Variants in NR6A1 observed in about 807,000 individuals in gnomAD.
NR6A1 encodes the protein nuclear receptor subfamily 6 group A member 1, also known as retinoic acid receptor-related testis-associated receptor.
In NR6A1, 7 loss-of-function variants were observed where a neutral mutation model predicts 59.1. The ratio of observed to expected loss-of-function variants is 0.12; its 90% CI spans 0.07 to 0.22. The LOEUF is 0.22. NR6A1 is among the 10% of genes least tolerant of loss of function. NR6A1 has a pLI of 1.00. For synonymous variants in NR6A1, 243 were observed against 236.1 expected (o/e 1.03, Z -0.27); for missense variants, 468 against 611.6 (o/e 0.77, Z 2.48).
intron 2 of NR6A1, among the ~76,000 whole-genome samples, chr9:124,670,039 T>G (rs978220421): frequency 1.3e-5 from 2 of 152,174 alleles, no homozygotes; most frequent in African/African-American, 4.8e-5. Context: ...AATAAGAAAC[T>G]TACATACCAT....
intron 2 of NR6A1, among the ~76,000 whole-genome samples, chr9:124,623,836 C>G (rs1005469068): frequency 1.3e-5 from 2 of 152,172 alleles, no homozygotes; most frequent in African/African-American, 4.8e-5. Context: ...GAATGGATGT[C>G]TAACCACCCA....
At chr9:124,683,875 A>G (rs887663293) in intron 2 of NR6A1, among the ~76,000 whole-genome samples, 4 of 152,236 alleles carry the variant, frequency 2.6e-5, no homozygotes, top group African/African-American at 9.6e-5. Flanking sequence ...ACCACTTGCC[A>G]AAAGTCACAC....
At chr9:124,763,820 C>A (rs1010916560) in intron 1 of NR6A1, among the ~76,000 whole-genome samples, 2 of 152,132 alleles carry the variant, frequency 1.3e-5, no homozygotes, top group Non-Finnish European at 2.9e-5. Flanking sequence ...ATTTTTAATT[C>A]TTCCAAGGTG....
Position 124,517,540 on chromosome 9 carries a change from A to T in NR6A1, c.*5165T>A, listed in dbSNP as rs1253523134. On this transcript the variant is annotated 3_prime_UTR_variant, in exon 10 of 10. Coordinates refer to ENST00000487099, the MANE Select transcript of NR6A1 (RefSeq NM_033334.4). Reference sequence around the variant, plus strand: ...CCTTTGGAGACAAGGGCTCAGGGACATCCCGTTTCCTCGATTCCTACACAC... The same window carrying T: ...CCTTTGGAGACAAGGGCTCAGGGACTTCCCGTTTCCTCGATTCCTACACAC... The T allele has an allele frequency of 6.6e-6, 1 of 152,180 alleles. No individual in the cohort carries two copies. Among genetic ancestry groups the T allele is most frequent in the Admixed American group, 6.5e-5 (1 of 15,288 alleles). 9.4% of individuals were successfully genotyped at this position (152,180 alleles called of 1,614,324 possible).
chr9:124,616,544 G>T (rs953856357), intron 2 of NR6A1, among the ~76,000 whole-genome samples: 2 of 151,748 alleles, frequency 1.3e-5, no homozygotes, highest in African/African-American at 4.8e-5. Flanking sequence ...AAGAAATGAT[G>T]ATCAGATCTG....
At chr9:124,735,529 C>A (rs1040592253) in intron 1 of NR6A1, among the ~76,000 whole-genome samples, 5 of 152,154 alleles carry the variant, frequency 3.3e-5, no homozygotes, top group African/African-American at 9.7e-5. Context: ...GGAAGAAAGT[C>A]ATAGAATCAG....
chr9:124,657,102 T>C (rs762223667), intron 2 of NR6A1, among the ~76,000 whole-genome samples: 6 of 152,092 alleles, frequency 3.9e-5, no homozygotes, highest in Non-Finnish European at 8.8e-5. Flanking sequence ...AAAAAAAAGA[T>C]TGTCTTGTGG....
chr9:124,574,218 T>TATGA (rs1002937711), intron 2 of NR6A1, among the ~76,000 whole-genome samples: 1 of 152,208 alleles, frequency 6.6e-6, no homozygotes, highest in Non-Finnish European at 1.5e-5. Flanking sequence ...TGGGTATATG[T>TATGA]ATGAATGAAT....
At chr9:124,596,367 T>C (rs534866598) in intron 2 of NR6A1, among the ~76,000 whole-genome samples, 2 of 152,242 alleles carry the variant, frequency 1.3e-5, no homozygotes, top group Admixed American at 6.5e-5. Flanking sequence ...CAATAAACAA[T>C]GACAAGGCAA....
chr9:124,710,141 A>G (rs1839233726), intron 2 of NR6A1, among the ~76,000 whole-genome samples: 2 of 152,156 alleles, frequency 1.3e-5, no homozygotes, highest in African/African-American at 2.4e-5. Flanking sequence ...TATGCTGGAC[A>G]ACTGAGGGGC....
At chr9:124,651,817 T>C (rs914778146) in intron 2 of NR6A1, among the ~76,000 whole-genome samples, 5 of 152,078 alleles carry the variant, frequency 3.3e-5, no homozygotes, top group Middle Eastern at 3.2e-3. Context: ...CTGGCAGCCA[T>C]AGAGTAATAG....
chr9:124,523,504 C>T (rs1441817038), intron 9 of NR6A1, among the ~76,000 whole-genome samples: 1 of 151,502 alleles, frequency 6.6e-6, no homozygotes, highest in Non-Finnish European at 1.5e-5. Flanking sequence ...TCTCCAGGTG[C>T]AACTCAAACA....
intron 2 of NR6A1, chr9:124,598,816 C>A (rs1042119452): frequency 3.7e-6 from 3 of 807,454 alleles, no homozygotes; most frequent in Non-Finnish European, 6.4e-6. Context: ...CGGATCTTTT[C>A]TTTTCTCTCT....
rs189554534 is a variant in NR6A1, at chr9:124,732,191, C to T, written c.142+1117G>A. ...CACCTCAGAGCTTGAATCAGCTTCA[C>T]GATGATGGAAAGGTAAGCTTTATCA... is the stretch of plus-strand genomic sequence containing the variant. On this transcript the variant is annotated intron_variant, in intron 2 of 9. Coordinates refer to ENST00000487099, the MANE Select transcript of NR6A1 (RefSeq NM_033334.4). Among the ~76,000 whole-genome samples, 85 of 152,226 alleles carry T rather than the reference C, an allele frequency of 5.6e-4. 1 individual carries two copies. Among genetic ancestry groups the T allele is most frequent in the Middle Eastern group, 3.4e-3 (1 of 294 alleles).
chr9:124,637,980 C>T (rs950058296), intron 2 of NR6A1, among the ~76,000 whole-genome samples: 5 of 151,302 alleles, frequency 3.3e-5, no homozygotes, highest in African/African-American at 9.7e-5. Flanking sequence ...CATGATAGCT[C>T]ATGCTTGTAA....
At chr9:124,668,569 G>T (rs918648852) in intron 2 of NR6A1, among the ~76,000 whole-genome samples, 2 of 152,200 alleles carry the variant, frequency 1.3e-5, no homozygotes, top group South Asian at 4.2e-4. Context: ...CTCACTCACA[G>T]AAAAAATTCT....
chr9:124,652,220 T>A (rs771742080), intron 2 of NR6A1, among the ~76,000 whole-genome samples: 4 of 152,194 alleles, frequency 2.6e-5, no homozygotes, highest in Non-Finnish European at 5.9e-5. Context: ...TGTTGGATTT[T>A]CATGGGCTTC....
At chr9:124,557,073 C>G (rs1230949356) in intron 2 of NR6A1, among the ~76,000 whole-genome samples, 2 of 152,128 alleles carry the variant, frequency 1.3e-5, no homozygotes, top group African/African-American at 4.8e-5. Context: ...GGATACACTT[C>G]CTTTGAGAAA....
rs1564159237 is a variant in NR6A1, at chr9:124,519,053, C to G, written c.*3652G>C. 1 of 152,128 alleles carries G rather than the reference C, an allele frequency of 6.6e-6. No homozygotes were observed. The highest frequency in any genetic ancestry group is 1.5e-5 in the Non-Finnish European group (1 of 68,066). 9.4% of individuals were successfully genotyped at this position (152,128 alleles called of 1,614,324 possible). Reference sequence around the variant, plus strand: ...CCCCAGGAAATCAAGAACAAACAAACAAATGTAGGAAATGGGTAACAGAGC... The same window carrying G: ...CCCCAGGAAATCAAGAACAAACAAAGAAATGTAGGAAATGGGTAACAGAGC... On this transcript the variant is annotated 3_prime_UTR_variant, in exon 10 of 10. Transcript: ENST00000487099.
Sources: allele counts gnomAD v4.1 joint callset (sites outside exome capture counted in the v4.1 genomes callset), GRCh38; gene constraint gnomAD v4.1.1; transcripts MANE v1.5; gene names NCBI Gene and HGNC (gene_info 2026-07-23, HGNC 2026-07-21).